Variants in DRG1 observed in about 807,000 individuals in gnomAD.
DRG1 encodes the protein developmentally regulated GTP binding protein 1.
In DRG1, 19 loss-of-function variants were observed where a neutral mutation model predicts 38.8. That is an observed-to-expected ratio of 0.49 (90% CI 0.34 to 0.72). The LOEUF (loss-of-function observed/expected upper bound fraction) is 0.72, where lower values mean the gene tolerates loss of function less well. DRG1 is among the 30% of genes least tolerant of loss of function. DRG1 has a pLI of 0.01. For missense variants in DRG1, 299 were observed against 444.8 expected, an observed-to-expected ratio of 0.67 and a Z score of 2.95; for synonymous variants, 167 against 157.5, an observed-to-expected ratio of 1.06 and a Z score of -0.45.
rs1477288852 is a variant in DRG1 at position 31,427,146 on chromosome 22, T to A, written c.968T>A (p.Met323Lys). ...YSRTTVEDFC[M>K]KIHKNLIKEF... ...AGGACCACAGTGGAGGATTTCTGCA[T>A]GAAGATTCACAAAAATCTTATCAAA... Residue 323 changes from methionine (M) to lysine (K), a missense_variant, in exon 8 of 9, where the codon ATG (methionine) becomes AAG (lysine). This residue lies in a region of DRG1 where 198 missense variants were observed against 268.1 expected (regional missense o/e 0.74). Coordinates refer to ENST00000331457, the MANE Select transcript of DRG1 (RefSeq NM_004147.4). The A allele has an allele frequency of 1.2e-6, 2 of 1,614,158 alleles. No individual in the cohort carries two copies. Among genetic ancestry groups the A allele is most frequent in the Non-Finnish European group, 1.7e-6 (2 of 1,179,994 alleles).
At chr22:31,412,459 T>C (rs1305669891) in intron 4 of DRG1, among the ~76,000 whole-genome samples, 1 of 146,738 alleles carries the variant, frequency 6.8e-6, no homozygotes, top group Admixed American at 6.9e-5. Context: ...CATGCCATTC[T>C]CCTGCCTCAG....
chr22:31,431,087 TGC>T (rs1454141091), intron 8 of DRG1, among the ~76,000 whole-genome samples: 1 of 127,638 alleles, frequency 7.8e-6, no homozygotes, highest in African/African-American at 2.9e-5. Context: ...CCAGGCTGAG[TGC>T]AGTGGTGCGA....
intron 4 of DRG1, among the ~76,000 whole-genome samples, chr22:31,413,609 GTTTTTT>G (rs35654476): frequency 0.066 from 4,009 of 60,396 alleles, 38 homozygotes; most frequent in Non-Finnish European, 0.076. Flanking sequence ...CCTATTGTGG[GTTTTTT>G]TTTTTTTTTT....
At chr22:31,421,038 A>G (rs1025083028) in intron 5 of DRG1, among the ~76,000 whole-genome samples, 3 of 151,980 alleles carry the variant, frequency 2.0e-5, no homozygotes, top group African/African-American at 4.8e-5. Context: ...TCATGCCTCA[A>G]CCTCCTGAGT....
chr22:31,433,800 G>A, intron 8 of DRG1, 72 bp from the exon 9 acceptor site: 1 of 1,354,442 alleles, frequency 7.4e-7, no homozygotes, highest in Non-Finnish European at 1.1e-6. Flanking sequence ...GAGCAGAAGG[G>A]TGGCATCCAG....
At chr22:31,432,805 C>T (rs188706642) in intron 8 of DRG1, among the ~76,000 whole-genome samples, 24 of 152,138 alleles carry the variant, frequency 1.6e-4, no homozygotes, top group South Asian at 6.2e-4. Context: ...GTGATCCGCC[C>T]GCCTCAGCCT....
intron 4 of DRG1, among the ~76,000 whole-genome samples, chr22:31,417,765 C>T (rs527671400): frequency 2.9e-4 from 44 of 150,460 alleles, no homozygotes; most frequent in East Asian, 1.0e-3. Flanking sequence ...CTGAGGCGAG[C>T]GGATCACCTG....
rs2050141921 is a variant in DRG1 at position 31,432,039 on chromosome 22, ACT to A, written c.1005-1832_1005-1831del. 8.0e-5 allele frequency among the ~76,000 whole-genome samples: 11 copies of A among 137,796 alleles called. No individual in the cohort carries two copies. The South Asian group carries it at 2.5e-3, about 31-fold the overall frequency. 90.4% of individuals were successfully genotyped at this position (137,796 alleles called of 152,430 possible). The stretch of plus-strand genomic sequence containing the variant: ...ACAGGATTTTATTTGCTCTTATTTT[ACT>A]GTTTTTTTTTTTTTCTTTAATTATT... On this transcript the variant is annotated intron_variant, in intron 8 of 8. Transcript: ENST00000331457.
chr22:31,418,868 A>G (rs929408539), intron 4 of DRG1, among the ~76,000 whole-genome samples: 4 of 152,032 alleles, frequency 2.6e-5, no homozygotes, highest in African/African-American at 9.7e-5. Flanking sequence ...TTTTTAGTAG[A>G]GATGGGGTTT....
chr22:31,405,467 G>C (rs2145858931), intron 3 of DRG1, among the ~76,000 whole-genome samples: 1 of 150,684 alleles, frequency 6.6e-6, no homozygotes, highest in African/African-American at 2.4e-5. Context: ...TGCCTGGCCG[G>C]GCCTTAATAA....
chr22:31,405,500 C>A (rs962885961), intron 3 of DRG1, among the ~76,000 whole-genome samples: 1 of 151,670 alleles, frequency 6.6e-6, no homozygotes, highest in Non-Finnish European at 1.5e-5. Flanking sequence ...TGTTCAGCTG[C>A]CACAGTTAGA....
rs936632749 is a variant in DRG1 at position 31,400,534 on chromosome 22, T to C, written c.43-86T>C. 4 of 1,555,510 alleles carry C rather than the reference T, an allele frequency of 2.6e-6. No homozygotes were observed. The African/African-American group carries it at 4.1e-5, about 16-fold the overall frequency. On this transcript the variant is annotated intron_variant, in intron 1 of 8. Transcript: ENST00000331457. ...TGTAAACTGGGTGTGCTAACATTAG[T>C]AGGACTTGGGGAAAAAAATTATCCT... is the stretch of plus-strand genomic sequence containing the variant.
At chr22:31,416,867 C>T (rs5749270) in intron 4 of DRG1, among the ~76,000 whole-genome samples, 33,911 of 149,076 alleles carry the variant, frequency 0.23, 4,928 homozygotes, top group East Asian at 0.46. Context: ...TGCACCATTG[C>T]ACTCCACCCT....
chr22:31,417,187 T>C (rs1231478519), intron 4 of DRG1, among the ~76,000 whole-genome samples: 1 of 151,008 alleles, frequency 6.6e-6, no homozygotes, highest in Non-Finnish European at 1.5e-5. Flanking sequence ...CTGGCCAAGG[T>C]GGTGAAACCC....
chr22:31,426,514 G>A, intron 6 of DRG1, 101 bp from the exon 7 acceptor site: 1 of 984,342 alleles, frequency 1.0e-6, no homozygotes, highest in East Asian at 2.5e-5. Flanking sequence ...AGTCCCTCTT[G>A]GGAGCGCCAG....
rs2066250869 is a variant in DRG1 at position 31,418,368 on chromosome 22, T to C, written c.413-1888T>C. Among the ~76,000 whole-genome samples, 5 of 151,872 alleles carry C rather than the reference T, an allele frequency of 3.3e-5. 1 individual carries two copies. The highest frequency in any genetic ancestry group is 3.3e-4 in the Admixed American group (5 of 15,242). On this transcript the variant is annotated intron_variant, in intron 4 of 8. Coordinates refer to ENST00000331457, the MANE Select transcript of DRG1 (RefSeq NM_004147.4). ...GATATTCAAGGAGACTGAGGCAGGA[T>C]GATCAGTTGAGCCCAGGAGGTGGAG... is the stretch of plus-strand genomic sequence containing the variant.
intron 7 of DRG1, 70 bp from the exon 8 acceptor site, chr22:31,426,990 A>G (rs28668621): frequency 1.3e-6 from 2 of 1,593,936 alleles, no homozygotes; most frequent in Non-Finnish European, 1.7e-6. Flanking sequence ...GGGGTGATGG[A>G]GGGTTGCTAT....
At chr22:31,430,252 A>G (rs2050131556) in intron 8 of DRG1, among the ~76,000 whole-genome samples, 1 of 152,148 alleles carries the variant, frequency 6.6e-6, no homozygotes. Flanking sequence ...AAATACATGT[A>G]TGGATACTAA....
chr22:31,424,930 G>A (rs1286011676), intron 6 of DRG1, among the ~76,000 whole-genome samples: 2 of 150,196 alleles, frequency 1.3e-5, no homozygotes, highest in African/African-American at 2.4e-5. Flanking sequence ...AGCCTCCCAA[G>A]TAGCTGGGAC....
Sources: gnomAD v4.1 joint callset for allele counts (sites outside exome capture counted in the v4.1 genomes callset) on GRCh38, gnomAD v4.1.1 for gene constraint, gnomAD v4.1.1 regional missense constraint, MANE v1.5 for transcripts, NCBI Gene and HGNC (gene_info 2026-07-23, HGNC 2026-07-21) for gene names.